Variants in SLC4A10 observed in about 807,000 individuals in gnomAD.
The protein encoded by SLC4A10 is sodium-driven chloride bicarbonate exchanger.
SLC4A10 carries 42 observed loss-of-function variants against 137.7 expected under a neutral mutation model. The observed-to-expected ratio is 0.30, with a 90% CI of 0.24 to 0.39. The LOEUF is 0.39. Among genes scored for constraint, SLC4A10 ranks in the 10% least tolerant of loss-of-function variants. The probability of loss-of-function intolerance (pLI) is 1.00; values close to 1 mark genes in which losing one functional copy is unlikely to be tolerated. For missense variants in SLC4A10, 925 were observed against 1,355.0 expected (o/e 0.68, Z 4.98); for synonymous variants, 474 against 464.1 (o/e 1.02, Z -0.27).
chr2:161,974,148 T>G, intron 23 of SLC4A10, 101 bp from the exon 24 acceptor site: 19 of 947,100 alleles, frequency 2.0e-5, no homozygotes, highest in Non-Finnish European at 2.8e-5. Context: ...TGGAAGGTCT[T>G]GAGGTTAATG....
chr2:161,643,363 C>G (rs1222571288), intron 1 of SLC4A10, among the ~76,000 whole-genome samples: 2 of 152,064 alleles, frequency 1.3e-5, no homozygotes, highest in Admixed American at 6.5e-5. Flanking sequence ...TCAAAGTGAA[C>G]ATACATTCCC....
At chr2:161,965,437 G>C (rs1023941188) in intron 23 of SLC4A10, among the ~76,000 whole-genome samples, 3 of 152,058 alleles carry the variant, frequency 2.0e-5, no homozygotes, top group Admixed American at 1.3e-4. Flanking sequence ...AAATTGTAAG[G>C]CTCATTTTTC....
chr2:161,662,102 GTAT>G (rs2038499000), intron 1 of SLC4A10, among the ~76,000 whole-genome samples: 2 of 152,088 alleles, frequency 1.3e-5, no homozygotes, highest in African/African-American at 2.4e-5. Flanking sequence ...TTTGGGTAAT[GTAT>G]ATATTCTTTA....
intron 1 of SLC4A10, among the ~76,000 whole-genome samples, chr2:161,761,989 A>AT (rs1307039378): frequency 6.6e-6 from 1 of 151,974 alleles, no homozygotes; most frequent in Non-Finnish European, 1.5e-5. Context: ...TCTCAGTTCT[A>AT]TTTTTTCTTG....
chr2:161,817,740 C>A (rs1341048273), intron 3 of SLC4A10, among the ~76,000 whole-genome samples: 1 of 152,034 alleles, frequency 6.6e-6, no homozygotes, highest in African/African-American at 2.4e-5. Flanking sequence ...ATAGGGAATT[C>A]TTTCCCCATT....
At chr2:161,811,344 G>T (rs1212330783) in intron 3 of SLC4A10, among the ~76,000 whole-genome samples, 1 of 151,662 alleles carries the variant, frequency 6.6e-6, no homozygotes, top group Non-Finnish European at 1.5e-5. Flanking sequence ...ATGGACTTTT[G>T]CATCTCAATT....
At position 161,754,053 on chromosome 2, in the gene SLC4A10, C is replaced by G. The variant is rs77212105; in HGVS notation, c.49-16920C>G. Among the ~76,000 whole-genome samples the G allele has an allele frequency of 1.7e-3, 255 of 151,950 alleles. 1 individual carries two copies. The highest frequency in any genetic ancestry group is 6.0e-3 in the African/African-American group (248 of 41,450). ...TATAGGTATGTGCCACCACACTCAGCTAATTTTTTTGTATTTTTAGTAGAG... is the reference window on the plus strand; with the variant it reads ...TATAGGTATGTGCCACCACACTCAGGTAATTTTTTTGTATTTTTAGTAGAG... On this transcript the variant is annotated intron_variant, in intron 1 of 26. Transcript: ENST00000446997.
At chr2:161,892,428 T>C (rs1234606965) in intron 10 of SLC4A10, among the ~76,000 whole-genome samples, 1 of 152,042 alleles carries the variant, frequency 6.6e-6, no homozygotes, top group Non-Finnish European at 1.5e-5. Flanking sequence ...AAAAAAAATC[T>C]CTTTCTCAAA....
At chr2:161,933,569 T>A (rs1049631610) in intron 15 of SLC4A10, among the ~76,000 whole-genome samples, 3 of 152,024 alleles carry the variant, frequency 2.0e-5, no homozygotes, top group African/African-American at 4.8e-5. Flanking sequence ...ATTTAAAAAA[T>A]TTGTTATAGA....
At chr2:161,795,169 T>C (rs2054633197) in intron 2 of SLC4A10, among the ~76,000 whole-genome samples, 1 of 152,126 alleles carries the variant, frequency 6.6e-6, no homozygotes, top group Non-Finnish European at 1.5e-5. Flanking sequence ...CCAATACATA[T>C]CTTATCTTCC....
At chr2:161,720,433 A>G (rs74497596) in intron 1 of SLC4A10, among the ~76,000 whole-genome samples, 6 of 152,154 alleles carry the variant, frequency 3.9e-5, no homozygotes, top group African/African-American at 1.4e-4. Context: ...TTCTGTGAAG[A>G]AAGTCATTGG....
chr2:161,941,696 A>G (rs1165785344), intron 15 of SLC4A10, among the ~76,000 whole-genome samples: 2 of 152,164 alleles, frequency 1.3e-5, no homozygotes, highest in Non-Finnish European at 1.5e-5. Context: ...GCAGCGTAAC[A>G]TGGTTGGTTG....
At chr2:161,884,951 A>C (rs2062125823) in intron 10 of SLC4A10, among the ~76,000 whole-genome samples, 1 of 152,102 alleles carries the variant, frequency 6.6e-6, no homozygotes, top group African/African-American at 2.4e-5. Context: ...GCCAAGGTGG[A>C]TGGATCACCT....
intron 15 of SLC4A10, among the ~76,000 whole-genome samples, chr2:161,933,203 CTTTCTTTCTTT>C (rs1316225882): frequency 1.7e-5 from 2 of 115,810 alleles, no homozygotes; most frequent in Non-Finnish European, 3.7e-5. Context: ...TTCTTTCTTT[CTTTCTTTCTTT>C]CTTTCTTTCT....
intron 2 of SLC4A10, among the ~76,000 whole-genome samples, chr2:161,773,271 C>A (rs1388500945): frequency 6.6e-6 from 1 of 151,732 alleles, no homozygotes; most frequent in Non-Finnish European, 1.5e-5. Flanking sequence ...TTAATCCATC[C>A]ATTCCTGACA....
intron 1 of SLC4A10, among the ~76,000 whole-genome samples, chr2:161,630,139 A>G (rs2033240671): frequency 6.6e-6 from 1 of 151,884 alleles, no homozygotes; most frequent in South Asian, 2.1e-4. Context: ...ACTACATGCT[A>G]TTCTCATGAG....
chr2:161,653,138 G>C (rs1276414832), intron 1 of SLC4A10, among the ~76,000 whole-genome samples: 13 of 152,064 alleles, frequency 8.5e-5, no homozygotes, highest in Non-Finnish European at 1.9e-4. Context: ...TGCCGAGAAT[G>C]ATGGTTTCCA....
rs2063454917 is a variant in SLC4A10, at chr2:161,895,979, G to A, written c.1341+1154G>A. On this transcript the variant is annotated intron_variant, in intron 11 of 26. Coordinates refer to ENST00000446997, the MANE Select transcript of SLC4A10 (RefSeq NM_001178015.2). ...TTGCTTTTGGTGTTTTAGACATGAAGTCCTTGCCCATGCCTATGTCCTGAA... is the reference window on the plus strand; with the variant it reads ...TTGCTTTTGGTGTTTTAGACATGAAATCCTTGCCCATGCCTATGTCCTGAA... Among the ~76,000 whole-genome samples the A allele has an allele frequency of 3.3e-5, 5 of 151,062 alleles. No individual in the cohort carries two copies. In the South Asian group the frequency reaches 1.0e-3, roughly 32 times the overall value.
At position 161,862,936 on chromosome 2, in the gene SLC4A10, C is replaced by T. The variant is rs1158699240; in HGVS notation, c.640C>T (p.His214Tyr). ...QLNEDVRHRV[H>Y]EALMKQHHHQ... ...GAATGAAGATGTACGCCATAGGGTC[C>T]ATGAGGCATTGATGAAACAGCATCA... Residue 214 changes from histidine (H) to tyrosine (Y), a missense_variant, in exon 6 of 27, where the codon CAT becomes TAT. Around this residue, in one of 11 missense-constraint regions of SLC4A10, gnomAD observed 277 missense variants for 306.1 expected, o/e 0.90. Coordinates refer to ENST00000446997, the MANE Select transcript of SLC4A10 (RefSeq NM_001178015.2). The T allele has an allele frequency of 6.2e-7, 1 of 1,613,416 alleles. No individual in the cohort carries two copies. The highest frequency in any genetic ancestry group is 1.7e-5 in the Admixed American group (1 of 59,930).
Sources: gnomAD v4.1 joint callset for allele counts (sites outside exome capture counted in the v4.1 genomes callset) on GRCh38, gnomAD v4.1.1 for gene constraint, gnomAD v4.1.1 regional missense constraint, MANE v1.5 for transcripts, NCBI Gene and HGNC (gene_info 2026-07-23, HGNC 2026-07-21) for gene names.